Variants in SSC4D observed in about 807,000 individuals in gnomAD.
SSC4D encodes the protein scavenger receptor cysteine-rich domain-containing group B protein.
Under a neutral mutation model 63.4 loss-of-function variants are expected in SSC4D, and 57 were observed. The observed-to-expected ratio is 0.90, with a 90% CI of 0.73 to 1.12. SSC4D has a LOEUF of 1.12. SSC4D is among the 50% of genes most tolerant of loss of function. The pLI, the probability that SSC4D is intolerant of heterozygous loss-of-function variation, is 0.00. For missense variants in SSC4D, 791 were observed against 806.4 expected (o/e 0.98, Z 0.23); for synonymous variants, 352 against 345.4 (o/e 1.02, Z -0.21).
At chr7:76,406,632 C>A (rs1805043728) in intron 1 of SSC4D, among the ~76,000 whole-genome samples, 1 of 151,802 alleles carries the variant, frequency 6.6e-6, no homozygotes, top group African/African-American at 2.4e-5. Context: ...TGCAGGCTTG[C>A]ACCACCACAC....
At position 76,393,908 on chromosome 7, in the gene SSC4D, T is replaced by G; in HGVS notation, c.947-4A>C. 1.2e-6 allele frequency: 2 copies of G among 1,600,462 alleles called. No homozygotes were observed. Among genetic ancestry groups the G allele is most frequent in the Admixed American group, 3.4e-5 (2 of 58,608 alleles). On this transcript the variant is annotated splice_region_variant and splice_polypyrimidine_tract_variant and intron_variant, in intron 7 of 10. Transcript: ENST00000275560. ...GGCTGGGGGCCAACTCCTGTAGCTG[T>G]GGAGACAGGGCATCTAGGGCGTTCG... is the stretch of plus-strand genomic sequence containing the variant.
intron 1 of SSC4D, among the ~76,000 whole-genome samples, chr7:76,406,142 C>T (rs1805021879): frequency 1.3e-5 from 2 of 152,062 alleles, no homozygotes; most frequent in African/African-American, 2.4e-5. Flanking sequence ...CCCGCCACCA[C>T]GCCCGGCTCA....
rs747952891 is a variant in SSC4D, at chr7:76,391,993, G to T, written c.1382C>A (p.Thr461Lys). The change falls in exon 10 of 11, where the codon ACG becomes AAG. Residue 461 changes from threonine (T) to lysine (K), a missense_variant. By Grantham distance (78) the Thr-to-Lys change is moderately conservative. Transcript: ENST00000275560. ...LQVQQDGSETTRVPTPRPRDG... is the reference protein window; with the variant it reads ...LQVQQDGSETKRVPTPRPRDG... The stretch of plus-strand genomic sequence containing the variant: ...CCTGGGCCGAGGAGTGGGCACCCGC[G>T]TGGTCTCAGAACCATCCTGCTGGAC... 1.9e-6 allele frequency: 3 copies of T among 1,594,016 alleles called. No homozygotes were observed. Among genetic ancestry groups the T allele is most frequent in the Non-Finnish European group, 2.6e-6 (3 of 1,170,184 alleles).
chr7:76,394,959 T>C (rs1804603168), intron 7 of SSC4D, among the ~76,000 whole-genome samples: 1 of 149,770 alleles, frequency 6.7e-6, no homozygotes, highest in Admixed American at 6.7e-5. Context: ...CCTGCCTGTT[T>C]CCCAAAGTGC....
chr7:76,395,838 C>T (rs1233732915), intron 6 of SSC4D, among the ~76,000 whole-genome samples: 1 of 152,242 alleles, frequency 6.6e-6, no homozygotes, highest in Admixed American at 6.5e-5. Context: ...ATTACAGGCG[C>T]CTGCCAGCAC....
chr7:76,393,298 C>G (rs1317391364), intron 9 of SSC4D, 107 bp downstream of exon 9: 4 of 1,175,660 alleles, frequency 3.4e-6, no homozygotes, highest in African/African-American at 1.6e-5. Context: ...CGCATGCTCC[C>G]CGGGCGGCAG....
chr7:76,406,700 A>G (rs1805045691), intron 1 of SSC4D, among the ~76,000 whole-genome samples: 1 of 150,766 alleles, frequency 6.6e-6, no homozygotes, highest in Non-Finnish European at 1.5e-5. Context: ...GTGCTGTGTT[A>G]CTCAGGCTGG....
rs1297181215 is a variant in SSC4D, at chr7:76,391,937, C to G, written c.1411+27G>C. 9 of 1,575,454 alleles carry G rather than the reference C, an allele frequency of 5.7e-6. No individual in the cohort carries two copies. The Admixed American group carries it at 1.5e-4, about 26-fold the overall frequency. ...TCCTTAAGACCCCGATGCCTCCACC[C>G]ACTTTCAGGGGATTATGGGCACCTA... On this transcript the variant is annotated intron_variant, in intron 10 of 10. Coordinates refer to ENST00000275560, the MANE Select transcript of SSC4D (RefSeq NM_080744.2).
At chr7:76,393,299 C>T (rs997651098) in intron 9 of SSC4D, 106 bp downstream of exon 9, 5 of 1,177,326 alleles carry the variant, frequency 4.2e-6, no homozygotes, top group Admixed American at 4.3e-5. Flanking sequence ...GCATGCTCCC[C>T]GGGCGGCAGT....
intron 2 of SSC4D, among the ~76,000 whole-genome samples, chr7:76,401,971 A>G (rs1804844927): frequency 6.6e-6 from 1 of 151,814 alleles, no homozygotes; most frequent in African/African-American, 2.4e-5. Flanking sequence ...GATTCATCAT[A>G]TTTCCCTCCC....
Position 76,400,504 on chromosome 7 carries a change from T to A in SSC4D, c.257A>T (p.Asp86Val). ...GGSWGSVCDD[D>V]WDVVDANVVC... is the part of the protein sequence containing the mutation. ...TACGTTGGCGTCCACCACGTCCCAG[T>A]CGTCATCACAGACGCTGCCCCAGGA... Residue 86 changes from aspartate to valine, a missense_variant, in exon 4 of 11, where the codon GAC (aspartate) becomes GTC (valine). Physicochemically the swap from Asp to Val is radical, Grantham distance 152. Coordinates refer to ENST00000275560, the MANE Select transcript of SSC4D (RefSeq NM_080744.2). 6.3e-7 allele frequency: 1 copy of A among 1,597,368 alleles called. No individual in the cohort carries two copies. Among genetic ancestry groups the A allele is most frequent in the Non-Finnish European group, 8.5e-7 (1 of 1,171,272 alleles).
rs1462071114 is a variant in SSC4D, at chr7:76,401,052, G to T, written c.134-9C>A. The T allele has an allele frequency of 6.5e-7, 1 of 1,544,120 alleles. No individual in the cohort carries two copies. The highest frequency in any genetic ancestry group is 1.2e-5 in the South Asian group (1 of 83,120). On this transcript the variant is annotated splice_polypyrimidine_tract_variant and intron_variant, in intron 2 of 10. Coordinates refer to ENST00000275560, the MANE Select transcript of SSC4D (RefSeq NM_080744.2). ...GGGCTGTAGGGCGCTGGCTGAAACA[G>T]AGTGAGGAAGAGCATTGGCCCCTCT...
intron 9 of SSC4D, among the ~76,000 whole-genome samples, chr7:76,392,456 A>G (rs1804513978): frequency 6.6e-6 from 1 of 150,382 alleles, no homozygotes; most frequent in African/African-American, 2.5e-5. Flanking sequence ...AGGCTGAGGC[A>G]GGAGAATCGC....
intron 7 of SSC4D, among the ~76,000 whole-genome samples, chr7:76,395,017 G>A (rs902898952): frequency 2.0e-5 from 3 of 151,754 alleles, no homozygotes; most frequent in Non-Finnish European, 4.4e-5. Context: ...TTTTACTTCT[G>A]TGCTTTGAAG....
At chr7:76,405,349 T>C (rs1177869212) in intron 1 of SSC4D, among the ~76,000 whole-genome samples, 14 of 113,300 alleles carry the variant, frequency 1.2e-4, no homozygotes, top group Non-Finnish European at 1.7e-4. Flanking sequence ...CTTTTTTTTT[T>C]TTTTTTTTTT....
intron 1 of SSC4D, among the ~76,000 whole-genome samples, chr7:76,405,271 T>A (rs1441677990): frequency 2.2e-4 from 2 of 9,130 alleles, no homozygotes; most frequent in Non-Finnish European, 5.3e-4. Context: ...ACCCAGCTAA[T>A]TATATATATA....
chr7:76,400,905 G>C lies in SSC4D; in HGVS notation c.169+103C>G, dbSNP rs1359848514. 4.1e-6 allele frequency: 6 copies of C among 1,466,078 alleles called. No homozygotes were observed. The African/African-American group carries it at 8.4e-5, about 21-fold the overall frequency. 90.8% of individuals were successfully genotyped at this position (1,466,078 alleles called of 1,614,324 possible). A position where few individuals can be genotyped will look rare whatever the true frequency, so the allele number is the denominator to read the frequency against. On this transcript the variant is annotated intron_variant, in intron 3 of 10. Coordinates refer to ENST00000275560, the MANE Select transcript of SSC4D (RefSeq NM_080744.2). The stretch of plus-strand genomic sequence containing the variant: ...CTCCCCTGAGATGGGGGCATCTAGA[G>C]TCAAGGGGGGCTGGTTAGTCATCAC...
At chr7:76,395,212 C>A in intron 7 of SSC4D, 41 bp downstream of exon 7, 2 of 1,609,156 alleles carry the variant, frequency 1.2e-6, no homozygotes, top group Non-Finnish European at 1.7e-6. Context: ...CCGCACCCAC[C>A]ATACCCCTAC....
chr7:76,390,627 C>T (rs1804475837), intron 10 of SSC4D, among the ~76,000 whole-genome samples: 1 of 151,958 alleles, frequency 6.6e-6, no homozygotes, highest in African/African-American at 2.4e-5. Context: ...ACCATCCTGG[C>T]TAACAGGGTG....
Sources: gnomAD v4.1 joint callset for allele counts (sites outside exome capture counted in the v4.1 genomes callset) on GRCh38, gnomAD v4.1.1 for gene constraint, MANE v1.5 for transcripts, NCBI Gene and HGNC (gene_info 2026-07-23, HGNC 2026-07-21) for gene names.